GRID2: variants seen among roughly 807,000 people sequenced by gnomAD.
The protein encoded by GRID2 is glutamate receptor ionotropic, delta-2.
GRID2 carries 33 observed loss-of-function variants against 114.8 expected under a neutral mutation model. That is an observed-to-expected ratio of 0.29 (90% CI 0.22 to 0.38). The LOEUF is 0.38. Ranked by LOEUF, GRID2 falls within the 10% of genes least tolerant of loss-of-function variation. GRID2 has a pLI of 1.00. For synonymous variants in GRID2, 505 were observed against 449.9 expected, an observed-to-expected ratio of 1.12 and a Z score of -1.55; for missense variants, 1,184 against 1,257.7, an observed-to-expected ratio of 0.94 and a Z score of 0.89.
At chr4:93,341,353 C>G (rs1759636277) in intron 8 of GRID2, among the ~76,000 whole-genome samples, 1 of 151,110 alleles carries the variant, frequency 6.6e-6, no homozygotes. Context: ...GAGACAGAGT[C>G]TCACTCTGTC....
At chr4:92,428,410 G>A (rs1186692297) in intron 1 of GRID2, among the ~76,000 whole-genome samples, 4 of 151,766 alleles carry the variant, frequency 2.6e-5, no homozygotes, top group Non-Finnish European at 5.9e-5. Flanking sequence ...CTTAACTTCT[G>A]ATATTTCCTT....
At chr4:92,903,177 G>T (rs1156525643) in intron 2 of GRID2, among the ~76,000 whole-genome samples, 4 of 151,122 alleles carry the variant, frequency 2.6e-5, no homozygotes, top group African/African-American at 9.7e-5. Context: ...TGATTCTTCT[G>T]ATTCATGAGC....
At chr4:93,758,980 A>G (rs1399607469) in intron 14 of GRID2, among the ~76,000 whole-genome samples, 1 of 150,288 alleles carries the variant, frequency 6.7e-6, no homozygotes, top group Non-Finnish European at 1.5e-5. Flanking sequence ...TATGCCCTCT[A>G]TCTCAGTGGG....
At chr4:92,937,105 G>A (rs947027438) in intron 2 of GRID2, among the ~76,000 whole-genome samples, 1 of 146,162 alleles carries the variant, frequency 6.8e-6, no homozygotes, top group African/African-American at 2.4e-5. Context: ...TATAAGATTT[G>A]CAAATATCTC....
intron 13 of GRID2, among the ~76,000 whole-genome samples, chr4:93,594,759 G>T (rs565972236): frequency 6.6e-6 from 1 of 151,932 alleles, no homozygotes; most frequent in African/African-American, 2.4e-5. Context: ...CTCGTGGTGC[G>T]CCGTTTTTTA....
intron 2 of GRID2, among the ~76,000 whole-genome samples, chr4:92,833,216 G>T (rs915581519): frequency 6.6e-6 from 1 of 152,142 alleles, no homozygotes; most frequent in Non-Finnish European, 1.5e-5. Context: ...CCAGAGAAGC[G>T]GGGGAAGTCT....
At position 93,155,357 on chromosome 4, in the gene GRID2, C is replaced by T. The variant is rs74528112; in HGVS notation, c.735+44404C>T. Among the ~76,000 whole-genome samples, 672 of 152,042 alleles carry T rather than the reference C, an allele frequency of 4.4e-3. 6 individuals are homozygous for T. The highest frequency in any genetic ancestry group is 0.016 in the African/African-American group (644 of 41,540). ...ACAGAAGGCCTTTTCTCCTCCCCAA[C>T]ATCTTTTTTCTGCCTTGCAGATGCC... On this transcript the variant is annotated intron_variant, in intron 4 of 15. Coordinates refer to ENST00000282020, the MANE Select transcript of GRID2 (RefSeq NM_001510.4).
intron 3 of GRID2, among the ~76,000 whole-genome samples, chr4:93,104,048 C>G (rs191104557): frequency 1.3e-5 from 2 of 151,882 alleles, no homozygotes; most frequent in Non-Finnish European, 2.9e-5. Context: ...TTTCTCTCCC[C>G]GGCTAGTAGT....
At chr4:92,418,902 T>A (rs1389841387) in intron 1 of GRID2, among the ~76,000 whole-genome samples, 1 of 152,080 alleles carries the variant, frequency 6.6e-6, no homozygotes, top group African/African-American at 2.4e-5. Context: ...TCTTACTCAG[T>A]GCTCTCCAGT....
intron 2 of GRID2, among the ~76,000 whole-genome samples, chr4:92,929,557 G>A (rs1402276242): frequency 1.3e-5 from 2 of 151,304 alleles, no homozygotes; most frequent in African/African-American, 2.4e-5. Context: ...ATAAGAGTTG[G>A]CTGTCTGATA....
At chr4:92,694,714 C>A (rs1441131153) in intron 2 of GRID2, among the ~76,000 whole-genome samples, 1 of 152,120 alleles carries the variant, frequency 6.6e-6, no homozygotes, top group Non-Finnish European at 1.5e-5. Flanking sequence ...CAGTCCTGTT[C>A]ATAAATTCAA....
intron 8 of GRID2, among the ~76,000 whole-genome samples, chr4:93,365,504 A>G (rs1762254572): frequency 1.3e-5 from 2 of 152,168 alleles, no homozygotes; most frequent in South Asian, 2.1e-4. Context: ...TCTTGTTTAT[A>G]CTACTTATCA....
At chr4:93,344,360 A>G (rs75302653) in intron 8 of GRID2, among the ~76,000 whole-genome samples, 1,550 of 152,094 alleles carry the variant, frequency 0.01, 19 homozygotes, top group African/African-American at 0.035. Context: ...CAATTACATA[A>G]CATTTATGTA....
At chr4:92,368,820 A>C (rs2063647) in intron 1 of GRID2, among the ~76,000 whole-genome samples, 37,753 of 151,842 alleles carry the variant, frequency 0.25, 5,174 homozygotes, top group South Asian at 0.32. Context: ...AATTCTAATA[A>C]AGTCAAGACA....
At chr4:93,524,474 C>A (rs1024744357) in intron 13 of GRID2, among the ~76,000 whole-genome samples, 3 of 151,856 alleles carry the variant, frequency 2.0e-5, no homozygotes, top group Non-Finnish European at 4.4e-5. Flanking sequence ...TTCCAGCAGC[C>A]GTGCTAATGC....
chr4:93,740,608 G>A (rs1396374593), intron 14 of GRID2, among the ~76,000 whole-genome samples: 1 of 152,204 alleles, frequency 6.6e-6, no homozygotes, highest in Admixed American at 6.5e-5. Context: ...GACATAAAGT[G>A]TATAGATACA....
chr4:93,201,795 G>T (rs1453383763), intron 4 of GRID2, among the ~76,000 whole-genome samples: 1 of 152,138 alleles, frequency 6.6e-6, no homozygotes, highest in African/African-American at 2.4e-5. Flanking sequence ...AAAGATTTGA[G>T]AATGAATGAT....
At chr4:93,137,262 T>C (rs1735345814) in intron 4 of GRID2, among the ~76,000 whole-genome samples, 1 of 152,184 alleles carries the variant, frequency 6.6e-6, no homozygotes, top group South Asian at 2.1e-4. Flanking sequence ...TATTTATCCA[T>C]TGAACTTCTG....
At chr4:92,985,531 C>G (rs1469301858) in intron 2 of GRID2, among the ~76,000 whole-genome samples, 1 of 152,154 alleles carries the variant, frequency 6.6e-6, no homozygotes, top group Non-Finnish European at 1.5e-5. Context: ...GCCACCGCGT[C>G]CGGCCGGTAA....
Sources: gnomAD v4.1 joint callset for allele counts (sites outside exome capture counted in the v4.1 genomes callset) on GRCh38, gnomAD v4.1.1 for gene constraint, MANE v1.5 for transcripts, NCBI Gene and HGNC (gene_info 2026-07-23, HGNC 2026-07-21) for gene names.